The following CIT variants were observed in gnomAD, a reference collection of about 807,000 sequenced individuals.
CIT encodes citron Rho-interacting kinase.
Under a neutral mutation model 272.7 loss-of-function variants are expected in CIT, and 79 were observed. The ratio of observed to expected loss-of-function variants is 0.29; its 90% CI spans 0.24 to 0.35. The LOEUF (loss-of-function observed/expected upper bound fraction) is 0.35, where lower values mean the gene tolerates loss of function less well. CIT is among the 10% of genes least tolerant of loss of function. CIT has a pLI of 1.00. For missense variants in CIT, 1,909 were observed against 2,618.3 expected (o/e 0.73, Z 5.91); for synonymous variants, 948 against 995.6 (o/e 0.95, Z 0.90).
intron 2 of CIT, among the ~76,000 whole-genome samples, chr12:119,872,805 T>G (rs1416476290): frequency 1.3e-5 from 2 of 151,940 alleles, no homozygotes; most frequent in Non-Finnish European, 2.9e-5. Flanking sequence ...CCTATTTATG[T>G]ATTTATTTAG....
At chr12:119,754,251 T>A (rs1003025746) in intron 22 of CIT, among the ~76,000 whole-genome samples, 2 of 152,214 alleles carry the variant, frequency 1.3e-5, no homozygotes, top group African/African-American at 4.8e-5. Flanking sequence ...AAAATCTTTT[T>A]AAAAGGCAGG....
chr12:119,784,840 C>A lies in CIT; in HGVS notation c.1401+120G>T. ...GGCGCGACTTCAGCGAAGGCAGGAG[C>A]GCCTCACTCTCTACGGATCAGGCGG... On this transcript the variant is annotated intron_variant, in intron 11 of 47. Transcript: ENST00000392521. This position sits in a 1 kb window ranked among gnomAD's most constrained non-coding sequence, Gnocchi z 4.7. 4.1e-6 allele frequency: 6 copies of A among 1,460,586 alleles called. No individual in the cohort carries two copies. The South Asian group carries it at 7.4e-5, about 18-fold the overall frequency. The allele number at this position is 1,460,586 out of a possible 1,614,324, so 90.5% of individuals were successfully genotyped here.
At position 119,712,833 on chromosome 12, in the gene CIT, G is replaced by T; in HGVS notation, c.4580-138C>A. 1 of 669,302 alleles carries T rather than the reference G, an allele frequency of 1.5e-6. No individual in the cohort carries two copies. Among genetic ancestry groups the T allele is most frequent in the Non-Finnish European group, 2.6e-6 (1 of 384,898 alleles). 41.5% of individuals were successfully genotyped at this position (669,302 alleles called of 1,614,324 possible). A position where few individuals can be genotyped will look rare whatever the true frequency, so the allele number is the denominator to read the frequency against. On this transcript the variant is annotated intron_variant, in intron 35 of 47. Transcript: ENST00000392521. The surrounding 1 kb of genome is among the most constrained non-coding windows in gnomAD (Gnocchi z 5.2). ...AAGAGAGGCGCACGAGAACAAGGAA[G>T]GGACAGAGGTGTGCAGAGAAGGCAG...
intron 13 of CIT, among the ~76,000 whole-genome samples, chr12:119,777,682 A>G (rs1219145046): frequency 6.6e-6 from 1 of 151,536 alleles, no homozygotes; most frequent in African/African-American, 2.4e-5. Context: ...AAAAACAAAA[A>G]AAAACAAAAA....
At chr12:119,773,081 A>G (rs989948133) in intron 16 of CIT, among the ~76,000 whole-genome samples, 171 bp from the exon 17 acceptor site, 2 of 151,966 alleles carry the variant, frequency 1.3e-5, no homozygotes, top group African/African-American at 4.8e-5. Context: ...TGAATTTACC[A>G]TTTGTCAAAA....
intron 5 of CIT, among the ~76,000 whole-genome samples, chr12:119,838,907 A>G (rs1324954486): frequency 1.3e-5 from 2 of 152,208 alleles, no homozygotes; most frequent in Non-Finnish European, 2.9e-5. Context: ...CTGGGGGCAC[A>G]GGAGGAGGAA....
chr12:119,830,623 C>T (rs930521837), intron 7 of CIT, among the ~76,000 whole-genome samples: 3 of 152,158 alleles, frequency 2.0e-5, no homozygotes, highest in African/African-American at 4.8e-5. Context: ...TTCCCCCAAC[C>T]CTCCTACCCC....
intron 10 of CIT, among the ~76,000 whole-genome samples, chr12:119,796,728 A>G (rs1024915752): frequency 2.0e-5 from 3 of 152,200 alleles, no homozygotes; most frequent in African/African-American, 4.8e-5. Flanking sequence ...AACTAGAAAG[A>G]TAACTGAGGA....
In CIT at chr12:119,820,919, G is replaced by A. The variant is rs931756740; in HGVS notation, c.1111+1901C>T. On this transcript the variant is annotated intron_variant, in intron 9 of 47. Coordinates refer to ENST00000392521, the MANE Select transcript of CIT (RefSeq NM_001206999.2). ...TGGGAGGTCGAGGCTGCAGTGAGCC[G>A]TGATCACACCACTGCATTCCTGCCT... Among the ~76,000 whole-genome samples the A allele has an allele frequency of 1.4e-4, 22 of 152,136 alleles. 1 individual carries two copies. Among genetic ancestry groups the A allele is most frequent in the Admixed American group, 1.3e-3 (20 of 15,282 alleles).
chr12:119,814,435 C>T (rs1199081917), intron 9 of CIT, among the ~76,000 whole-genome samples: 1 of 152,184 alleles, frequency 6.6e-6, no homozygotes, highest in Non-Finnish European at 1.5e-5. Flanking sequence ...CGCCCACACG[C>T]TCCTGGTCTA....
chr12:119,727,763 T>C (rs1034840237), intron 28 of CIT, among the ~76,000 whole-genome samples: 1 of 152,028 alleles, frequency 6.6e-6, no homozygotes, highest in Non-Finnish European at 1.5e-5. Context: ...ACCCCATCTC[T>C]ACAAAACAAT....
At chr12:119,705,803 A>AT in intron 40 of CIT, among the ~76,000 whole-genome samples, 1 of 119,358 alleles carries the variant, frequency 8.4e-6, no homozygotes, top group Non-Finnish European at 1.8e-5. Flanking sequence ...AAAAAAAAAA[A>AT]TTTTGGCCAG....
At chr12:119,756,568 G>A (rs1309327179) in intron 22 of CIT, among the ~76,000 whole-genome samples, 1 of 152,206 alleles carries the variant, frequency 6.6e-6, no homozygotes, top group Non-Finnish European at 1.5e-5. Context: ...AGCAATGGTG[G>A]AAGGTGGGGG....
At chr12:119,803,169 A>C in intron 10 of CIT, 37 bp downstream of exon 10, 1 of 987,828 alleles carries the variant, frequency 1.0e-6, no homozygotes, top group Non-Finnish European at 1.3e-6. Flanking sequence ...GCCTTGCATC[A>C]ATGCAGGTCC....
At chr12:119,850,724 CA>C (rs1371365383) in intron 4 of CIT, among the ~76,000 whole-genome samples, 2 of 152,140 alleles carry the variant, frequency 1.3e-5, no homozygotes, top group African/African-American at 4.8e-5. Flanking sequence ...TGGTGTGGAA[CA>C]AGGTAAGCAT....
Position 119,732,532 on chromosome 12 carries a change from C to A in CIT, c.3350+1632G>T, listed in dbSNP as rs278106. On this transcript the variant is annotated intron_variant, in intron 26 of 47. Transcript: ENST00000392521. ...TGGAATAGGAGACTTAAACAGCAGT[C>A]CCTCACATCAACAAATACCCTGAGT... 2.1e-3 allele frequency among the ~76,000 whole-genome samples: 325 copies of A among 152,274 alleles called. 1 individual carries two copies. Among genetic ancestry groups the A allele is most frequent in the African/African-American group, 7.5e-3 (311 of 41,564 alleles).
chr12:119,712,097 A>G lies in CIT; in HGVS notation c.4854+81T>C. Reference sequence around the variant, plus strand: ...AGCCTGAGGGGAATCAAAATGGCCAATGGGATTCTCGTCGTTAACACCAGT... The same window carrying G: ...AGCCTGAGGGGAATCAAAATGGCCAGTGGGATTCTCGTCGTTAACACCAGT... On this transcript the variant is annotated intron_variant, in intron 37 of 47. Coordinates refer to ENST00000392521, the MANE Select transcript of CIT (RefSeq NM_001206999.2). The surrounding 1 kb of genome is among the most constrained non-coding windows in gnomAD (Gnocchi z 5.2). The G allele has an allele frequency of 7.3e-7, 1 of 1,375,976 alleles. No individual in the cohort carries two copies. Among genetic ancestry groups the G allele is most frequent in the Non-Finnish European group, 9.9e-7 (1 of 1,005,098 alleles). The allele number at this position is 1,375,976 out of a possible 1,614,324, so 85.2% of individuals were successfully genotyped here.
chr12:119,736,840 T>A (rs763573999), intron 24 of CIT, among the ~76,000 whole-genome samples: 15 of 152,146 alleles, frequency 9.9e-5, no homozygotes, highest in Non-Finnish European at 1.6e-4. Context: ...TTAAGATGTT[T>A]TTCATAATGT....
intron 28 of CIT, among the ~76,000 whole-genome samples, chr12:119,723,293 C>T (rs1020901531): frequency 6.6e-6 from 1 of 150,650 alleles, no homozygotes; most frequent in South Asian, 2.1e-4. Flanking sequence ...GTGCTGGGGA[C>T]GAGAATCTGT....
Sources: allele counts gnomAD v4.1 joint callset (sites outside exome capture counted in the v4.1 genomes callset), GRCh38; gene constraint gnomAD v4.1.1; non-coding constraint Gnocchi (gnomAD v3.1); transcripts MANE v1.5; gene names NCBI Gene and HGNC (gene_info 2026-07-23, HGNC 2026-07-21).